Variants in CSMD1 observed in about 807,000 individuals in gnomAD.
The protein encoded by CSMD1 is CUB and sushi domain-containing protein 1.
CSMD1 carries 213 observed loss-of-function variants against 417.5 expected under a neutral mutation model. The ratio of observed to expected loss-of-function variants is 0.51; its 90% confidence interval spans 0.46 to 0.57. The LOEUF (loss-of-function observed/expected upper bound fraction) is 0.57. Among genes scored for constraint, CSMD1 ranks in the 20% least tolerant of loss-of-function variants. The pLI, the probability that CSMD1 is intolerant of heterozygous loss-of-function variation, is 0.00. For synonymous variants in CSMD1, 2,862 were observed against 1,736.8 expected, an observed-to-expected ratio of 1.65 and a Z score of -16.11; for missense variants, 6,923 against 4,529.7, an observed-to-expected ratio of 1.53 and a Z score of -15.17.
At chr8:3,461,450 A>C (rs1191310097) in intron 12 of CSMD1, among the ~76,000 whole-genome samples, 2 of 152,208 alleles carry the variant, frequency 1.3e-5, no homozygotes, top group East Asian at 3.9e-4. Flanking sequence ...ACATGGGGCC[A>C]GGAACTGAGG....
chr8:2,952,157 C>G (rs907015847), intron 65 of CSMD1, among the ~76,000 whole-genome samples: 3 of 152,136 alleles, frequency 2.0e-5, no homozygotes, highest in African/African-American at 7.2e-5. Context: ...TTCAGCATTA[C>G]TCTTTGTTTT....
At chr8:4,592,489 C>T (rs140388460) in intron 2 of CSMD1, among the ~76,000 whole-genome samples, 4,827 of 152,058 alleles carry the variant, frequency 0.032, 126 homozygotes, top group Non-Finnish European at 0.045. Context: ...CAGGTTTAAG[C>T]GATTCTCCTG....
Position 4,265,697 on chromosome 8 carries a change from G to C in CSMD1, c.415+154256C>G, listed in dbSNP as rs899484356. Among the ~76,000 whole-genome samples the C allele has an allele frequency of 3.8e-5, 4 of 104,570 alleles. 2 individuals carry two copies. In the East Asian group the frequency reaches 1.0e-3, roughly 27 times the overall value. 68.6% of individuals were successfully genotyped at this position (104,570 alleles called of 152,430 possible). ...GATCTGGCTCTGAACAGTATTATTT[G>C]ACATGTTACGATTAGGAAACAGTTA... On this transcript the variant is annotated intron_variant, in intron 3 of 69. Transcript: ENST00000635120.
intron 68 of CSMD1, among the ~76,000 whole-genome samples, chr8:2,948,593 T>G (rs1290160867): frequency 6.6e-6 from 1 of 152,142 alleles, no homozygotes. Context: ...TATAATTTGT[T>G]ACATAAAAAT....
chr8:4,149,187 C>G (rs181961061), intron 3 of CSMD1, among the ~76,000 whole-genome samples: 2 of 152,244 alleles, frequency 1.3e-5, no homozygotes, highest in East Asian at 3.9e-4. Flanking sequence ...TGGTCTCGAA[C>G]TCCTGACCTC....
chr8:3,435,013 T>C (rs897118940), intron 12 of CSMD1, among the ~76,000 whole-genome samples: 3 of 149,192 alleles, frequency 2.0e-5, no homozygotes, highest in Non-Finnish European at 2.9e-5. Context: ...AGGGAGCTGG[T>C]AGCAGACAGG....
chr8:3,662,885 G>T (rs546096576), intron 7 of CSMD1, among the ~76,000 whole-genome samples: 1 of 152,138 alleles, frequency 6.6e-6, no homozygotes, highest in Non-Finnish European at 1.5e-5. Context: ...AATATGTAAT[G>T]CATGAGAGGC....
intron 12 of CSMD1, among the ~76,000 whole-genome samples, chr8:3,414,600 T>A (rs1813013654): frequency 6.6e-6 from 1 of 152,114 alleles, no homozygotes; most frequent in African/African-American, 2.4e-5. Flanking sequence ...TAACCGTACC[T>A]TGCTTGAAAT....
intron 12 of CSMD1, among the ~76,000 whole-genome samples, chr8:3,467,322 T>A (rs1419153167): frequency 6.6e-6 from 1 of 152,192 alleles, no homozygotes; most frequent in Non-Finnish European, 1.5e-5. Context: ...TGTTGGGAAG[T>A]GTCTGGTATT....
intron 3 of CSMD1, among the ~76,000 whole-genome samples, chr8:4,094,871 T>C (rs142821364): frequency 2.6e-5 from 4 of 152,266 alleles, no homozygotes; most frequent in African/African-American, 9.6e-5. Context: ...TTGGGGCATA[T>C]TGTGTATGTT....
intron 25 of CSMD1, among the ~76,000 whole-genome samples, chr8:3,300,824 T>A (rs576954518): frequency 6.6e-6 from 1 of 151,756 alleles, no homozygotes; most frequent in Non-Finnish European, 1.5e-5. Flanking sequence ...CTGGGTGTGG[T>A]GGCACATGCA....
intron 3 of CSMD1, among the ~76,000 whole-genome samples, chr8:4,263,783 C>G (rs1264465821): frequency 6.6e-6 from 1 of 152,126 alleles, no homozygotes; most frequent in African/African-American, 2.4e-5. Flanking sequence ...AATCTTTACT[C>G]CAATTGTGAC....
intron 3 of CSMD1, among the ~76,000 whole-genome samples, chr8:4,146,814 G>T (rs935618186): frequency 1.3e-4 from 20 of 149,498 alleles, no homozygotes; most frequent in Non-Finnish European, 2.2e-4. Flanking sequence ...GTTTCACCGT[G>T]TTAGGCAGGA....
intron 3 of CSMD1, among the ~76,000 whole-genome samples, chr8:4,062,834 G>A (rs34691363): frequency 0.15 from 22,828 of 151,468 alleles, 2,239 homozygotes; most frequent in East Asian, 0.35. Flanking sequence ...GTCTTTGTGT[G>A]TCAAAACCCT....
intron 5 of CSMD1, among the ~76,000 whole-genome samples, chr8:3,872,545 C>G (rs1003709683): frequency 2.6e-5 from 4 of 152,194 alleles, no homozygotes; most frequent in Non-Finnish European, 5.9e-5. Context: ...AGGCTGATCT[C>G]AAGAACTGAG....
intron 1 of CSMD1, among the ~76,000 whole-genome samples, chr8:4,707,886 C>CAAAAAAAAAAAAA (rs552510236): frequency 3.0e-5 from 3 of 100,852 alleles, no homozygotes; most frequent in Non-Finnish European, 6.0e-5. Context: ...GACTTTGTTT[C>CAAAAAAAAAAAAA]AAAAAAAAAA....
intron 2 of CSMD1, among the ~76,000 whole-genome samples, chr8:4,497,344 A>G (rs891472): frequency 0.8 from 121,940 of 152,182 alleles, 48,918 homozygotes; most frequent in Admixed American, 0.86. Flanking sequence ...ATCTATTTAT[A>G]TAGCCACTGG....
intron 11 of CSMD1, among the ~76,000 whole-genome samples, chr8:3,492,141 A>G (rs1818414853): frequency 6.6e-6 from 1 of 152,162 alleles, no homozygotes; most frequent in African/African-American, 2.4e-5. Flanking sequence ...TCTTTAACCT[A>G]TTGGGACTGA....
chr8:3,680,420 T>C (rs571596640), intron 7 of CSMD1, among the ~76,000 whole-genome samples: 2 of 152,156 alleles, frequency 1.3e-5, no homozygotes, highest in African/African-American at 4.8e-5. Context: ...TCTACGCAAA[T>C]GAACTAGAAA....
Sources: allele counts gnomAD v4.1 joint callset (sites outside exome capture counted in the v4.1 genomes callset), GRCh38; gene constraint gnomAD v4.1.1; transcripts MANE v1.5; gene names NCBI Gene and HGNC (gene_info 2026-07-23, HGNC 2026-07-21).